Variants in PIEZO2 observed in about 807,000 individuals in gnomAD.
PIEZO2 encodes piezo type mechanosensitive ion channel component 2.
In PIEZO2, 172 loss-of-function variants were observed where a neutral mutation model predicts 337.3. The observed-to-expected ratio is 0.51, with a 90% CI of 0.45 to 0.58. The LOEUF is 0.58. PIEZO2 is among the 20% of genes least tolerant of loss of function. PIEZO2 has a pLI of 0.00. For synonymous variants in PIEZO2, 1,251 were observed against 1,228.5 expected (o/e 1.02, Z -0.38); for missense variants, 3,028 against 3,391.3 (o/e 0.89, Z 2.66).
At chr18:10,908,976 C>A (rs903860317) in intron 4 of PIEZO2, among the ~76,000 whole-genome samples, 1 of 152,122 alleles carries the variant, frequency 6.6e-6, no homozygotes, top group African/African-American at 2.4e-5. Flanking sequence ...TGACAGTAGC[C>A]AAATCCTGCC....
In PIEZO2 at chr18:10,828,098, G is replaced by A. The variant is rs1021276277; in HGVS notation, c.918-20824C>T. ...CTTAGCATTCAATAAACCTAGACAA[G>A]CTCGAAATAGCATGACGGTTTTTTT... On this transcript the variant is annotated intron_variant, in intron 7 of 55. Transcript: ENST00000674853. This position sits in a 1 kb window ranked among gnomAD's most constrained non-coding sequence, Gnocchi z 4.1. Among the ~76,000 whole-genome samples the A allele has an allele frequency of 6.6e-6, 1 of 150,708 alleles. No individual in the cohort carries two copies. The highest frequency in any genetic ancestry group is 6.6e-5 in the Admixed American group (1 of 15,098).
At chr18:10,757,762 G>A (rs148396990) in intron 27 of PIEZO2, among the ~76,000 whole-genome samples, 4 of 152,040 alleles carry the variant, frequency 2.6e-5, no homozygotes, top group African/African-American at 4.8e-5. Flanking sequence ...ATAAAGAGGC[G>A]GTTTACATTG....
chr18:11,014,479 C>T (rs575066895), intron 2 of PIEZO2, among the ~76,000 whole-genome samples: 628 of 148,246 alleles, frequency 4.2e-3, no homozygotes, highest in Middle Eastern at 7.9e-3. Flanking sequence ...GGTGGGACAG[C>T]GATCCAGGGC....
intron 35 of PIEZO2, among the ~76,000 whole-genome samples, chr18:10,733,819 AC>A (rs151095861): frequency 1.3e-5 from 2 of 152,332 alleles, no homozygotes; most frequent in Non-Finnish European, 1.5e-5. Context: ...AAAATCAGAC[AC>A]AAGCTCCATG....
At chr18:11,093,796 T>G (rs2039176074) in intron 1 of PIEZO2, among the ~76,000 whole-genome samples, 1 of 152,114 alleles carries the variant, frequency 6.6e-6, no homozygotes, top group South Asian at 2.1e-4. Flanking sequence ...ATTGTTAGCC[T>G]CAGTGGGCTA....
At chr18:11,098,982 T>C (rs1396615480) in intron 1 of PIEZO2, among the ~76,000 whole-genome samples, 1 of 151,434 alleles carries the variant, frequency 6.6e-6, no homozygotes, top group Non-Finnish European at 1.5e-5. Flanking sequence ...TTTTTTTTTT[T>C]TTTGTAGAGA....
At chr18:10,761,243 C>G in intron 23 of PIEZO2, 132 bp from the exon 24 acceptor site, 1 of 770,406 alleles carries the variant, frequency 1.3e-6, no homozygotes, top group Non-Finnish European at 2.0e-6. Context: ...CAGTTTTGAG[C>G]TCAATATTCG....
rs1317730450 is a variant in PIEZO2 at position 11,086,700 on chromosome 18, C to A, written c.65-20478G>T. Among the ~76,000 whole-genome samples the A allele has an allele frequency of 7.1e-4, 108 of 152,022 alleles. 1 individual carries two copies. Among genetic ancestry groups the A allele is most frequent in the Admixed American group, 6.9e-3 (106 of 15,268 alleles). On this transcript the variant is annotated intron_variant, in intron 1 of 55. Coordinates refer to ENST00000674853, the MANE Select transcript of PIEZO2 (RefSeq NM_001378183.1). ...ACACTACTATATTGTGATAATGGAT[C>A]CCTGCTGCTCCAGCCAAACTTTCTT...
intron 4 of PIEZO2, among the ~76,000 whole-genome samples, chr18:10,897,692 C>T (rs1323227101): frequency 2.6e-5 from 4 of 152,148 alleles, no homozygotes; most frequent in Admixed American, 2.0e-4. Flanking sequence ...TGAGAACAAA[C>T]TAATACATTT....
At chr18:10,832,693 A>T (rs183749193) in intron 7 of PIEZO2, among the ~76,000 whole-genome samples, 14 of 152,298 alleles carry the variant, frequency 9.2e-5, no homozygotes, top group Admixed American at 3.9e-4. Flanking sequence ...CTGCAATTCC[A>T]TCAGTTCCCT....
At chr18:10,720,136 C>T (rs73385124) in intron 36 of PIEZO2, among the ~76,000 whole-genome samples, 6,732 of 150,084 alleles carry the variant, frequency 0.045, 504 homozygotes, top group African/African-American at 0.16. Flanking sequence ...CCAGATTATA[C>T]TTAAGCTAAA....
At position 11,099,754 on chromosome 18, in the gene PIEZO2, C is replaced by T. The variant is rs553217339; in HGVS notation, c.65-33532G>A. 3.4e-4 allele frequency among the ~76,000 whole-genome samples: 52 copies of T among 152,244 alleles called. No homozygotes were observed. In the South Asian group the frequency reaches 8.5e-3, roughly 25 times the overall value. On this transcript the variant is annotated intron_variant, in intron 1 of 55. Transcript: ENST00000674853. This position sits in a 1 kb window ranked among gnomAD's most constrained non-coding sequence, Gnocchi z 5.4. ...GATTACAGGCGTGAGCCACTGTGCCCGTCCTATATCTTTATTCTTAATGAG... is the reference window on the plus strand; with the variant it reads ...GATTACAGGCGTGAGCCACTGTGCCTGTCCTATATCTTTATTCTTAATGAG...
chr18:10,749,760 C>A (rs1392506119), intron 29 of PIEZO2, among the ~76,000 whole-genome samples: 3 of 152,192 alleles, frequency 2.0e-5, no homozygotes, highest in Non-Finnish European at 4.4e-5. Flanking sequence ...AGTGGAGCAA[C>A]AGCAGGTTTG....
intron 2 of PIEZO2, among the ~76,000 whole-genome samples, chr18:11,045,295 CAAAAAAAA>C (rs58924653): frequency 1.7e-4 from 9 of 52,344 alleles, no homozygotes; most frequent in African/African-American, 2.6e-4. Context: ...GACTCCGTCT[CAAAAAAAA>C]AAAAAAAAAA....
At chr18:10,671,888 A>C in intron 55 of PIEZO2, 109 bp from the exon 56 acceptor site, 1 of 1,019,506 alleles carries the variant, frequency 9.8e-7, no homozygotes, top group Non-Finnish European at 1.4e-6. Context: ...CTGTAGAAGA[A>C]ATAAGCAAAT....
At position 10,973,984 on chromosome 18, in the gene PIEZO2, G is replaced by T. The variant is rs1225957306; in HGVS notation, c.286+5551C>A. On this transcript the variant is annotated intron_variant, in intron 3 of 55. Coordinates refer to ENST00000674853, the MANE Select transcript of PIEZO2 (RefSeq NM_001378183.1). The surrounding 1 kb of genome is among the most constrained non-coding windows in gnomAD (Gnocchi z 4.9). Reference sequence around the variant, plus strand: ...CACCAGGTGATTCTGCAGATCTAGGGTCCATCTCCAATTAGCACAACTAAC... The same window carrying T: ...CACCAGGTGATTCTGCAGATCTAGGTTCCATCTCCAATTAGCACAACTAAC... 6.6e-6 allele frequency among the ~76,000 whole-genome samples: 1 copy of T among 152,150 alleles called. No homozygotes were observed. Among genetic ancestry groups the T allele is most frequent in the South Asian group, 2.1e-4 (1 of 4,830 alleles).
At chr18:11,063,073 T>C (rs1182548050) in intron 2 of PIEZO2, among the ~76,000 whole-genome samples, 2 of 152,034 alleles carry the variant, frequency 1.3e-5, no homozygotes, top group Admixed American at 6.6e-5. Context: ...TGGAATACTA[T>C]GCAGTATTAT....
At chr18:10,957,412 A>C (rs1008399828) in intron 3 of PIEZO2, among the ~76,000 whole-genome samples, 2 of 151,682 alleles carry the variant, frequency 1.3e-5, no homozygotes, top group African/African-American at 4.9e-5. Flanking sequence ...CCAACAAAAA[A>C]AAAACAAAGC....
In PIEZO2 at chr18:10,766,238, G is replaced by A. The variant is rs1396605379; in HGVS notation, c.2947-3140C>T. 5.8e-5 allele frequency among the ~76,000 whole-genome samples: 5 copies of A among 86,778 alleles called. No homozygotes were observed. Among genetic ancestry groups the A allele is most frequent in the African/African-American group, 2.4e-4 (5 of 20,468 alleles). The allele number at this position is 86,778 out of a possible 152,430, so 56.9% of individuals were successfully genotyped here. On this transcript the variant is annotated intron_variant, in intron 21 of 55. Transcript: ENST00000674853. The surrounding 1 kb of genome is among the most constrained non-coding windows in gnomAD (Gnocchi z 6.1). Reference sequence around the variant, plus strand: ...GAAGAAAGAAGGAGGAACAGGAGGAGGAGGAGGGATAAGGAAGAAGAAGAG... The same window carrying A: ...GAAGAAAGAAGGAGGAACAGGAGGAAGAGGAGGGATAAGGAAGAAGAAGAG...
Sources: gnomAD v4.1 joint callset for allele counts (sites outside exome capture counted in the v4.1 genomes callset) on GRCh38, gnomAD v4.1.1 for gene constraint, Gnocchi (gnomAD v3.1) non-coding constraint, MANE v1.5 for transcripts, NCBI Gene and HGNC (gene_info 2026-07-23, HGNC 2026-07-21) for gene names.